The following CENPF variants were observed in gnomAD, a reference collection of about 807,000 sequenced individuals.
The protein encoded by CENPF is AH antigen.
In CENPF, 214 loss-of-function variants were observed where a neutral mutation model predicts 307.3. The ratio of observed to expected loss-of-function variants is 0.70; its 90% CI spans 0.62 to 0.78. CENPF has a LOEUF of 0.78. CENPF is among the 30% of genes least tolerant of loss of function. CENPF has a pLI of 0.00. For synonymous variants in CENPF, 1,259 were observed against 1,270.6 expected (o/e 0.99, Z 0.19); for missense variants, 3,401 against 3,483.9 (o/e 0.98, Z 0.60).
At chr1:214,634,925 A>G (rs1288106222) in intron 10 of CENPF, among the ~76,000 whole-genome samples, 4 of 152,244 alleles carry the variant, frequency 2.6e-5, no homozygotes, top group Non-Finnish European at 4.4e-5. Flanking sequence ...GCTGCTCACA[A>G]TGAGAAATTA....
At chr1:214,633,797 T>C (rs1316719036) in intron 10 of CENPF, among the ~76,000 whole-genome samples, 1 of 152,198 alleles carries the variant, frequency 6.6e-6, no homozygotes, top group African/African-American at 2.4e-5. Flanking sequence ...CAAATGGAAG[T>C]GTTTGTTTCA....
In CENPF at chr1:214,639,122, C is replaced by T. The variant is rs371185169; in HGVS notation, c.1583-799C>T. Among the ~76,000 whole-genome samples the T allele has an allele frequency of 5.3e-5, 8 of 152,228 alleles. No individual in the cohort carries two copies. In the East Asian group the frequency reaches 7.7e-4, roughly 15 times the overall value. On this transcript the variant is annotated intron_variant, in intron 11 of 19. Coordinates refer to ENST00000366955, the MANE Select transcript of CENPF (RefSeq NM_016343.4). Reference sequence around the variant, plus strand: ...TAATACATGTTACCTTTATCATCTACTGTGGAGGTTCTCAACTTTCAATCT... The same window carrying T: ...TAATACATGTTACCTTTATCATCTATTGTGGAGGTTCTCAACTTTCAATCT...
chr1:214,619,046 A>G, intron 4 of CENPF, 83 bp from the exon 5 acceptor site: 1 of 718,926 alleles, frequency 1.4e-6, no homozygotes, highest in Non-Finnish European at 2.4e-6. Flanking sequence ...TCATTTCTAG[A>G]CTATCAAAAT....
At position 214,645,890 on chromosome 1, in the gene CENPF, T is replaced by C; in HGVS notation, c.6320T>C (p.Leu2107Pro). 1 of 1,614,092 alleles carries C rather than the reference T, an allele frequency of 6.2e-7. No homozygotes were observed. The change falls in exon 13 of 20, where the codon CTG (leucine) becomes CCG (proline). Residue 2107 changes from leucine to proline, a missense_variant. Leu to Pro is a moderately conservative substitution (Grantham distance 98). Coordinates refer to ENST00000366955, the MANE Select transcript of CENPF (RefSeq NM_016343.4). ...GAGAAAGGTGAGTTCGCATTGAGGC[T>C]GAGCTCAACACAGGAGGAAGTGCAT... ...LVEKGEFALR[L>P]SSTQEEVHQL... is the part of the protein sequence containing the mutation.
intron 16 of CENPF, chr1:214,654,021 T>C (rs1658560315): frequency 6.6e-6 from 1 of 152,322 alleles, no homozygotes; most frequent in Admixed American, 6.5e-5. Context: ...AGCTCTAACA[T>C]TTACTTGCAA....
chr1:214,653,586 T>G (rs1658549867), intron 16 of CENPF: 2 of 154,516 alleles, frequency 1.3e-5, no homozygotes, highest in Admixed American at 1.3e-4. Flanking sequence ...ACAGATATTT[T>G]TCATAAGATA....
Position 214,664,382 on chromosome 1 carries a change from G to C in CENPF, c.*588G>C, listed in dbSNP as rs1658865563. 6.6e-6 allele frequency: 1 copy of C among 152,432 alleles called. No individual in the cohort carries two copies. The highest frequency in any genetic ancestry group is 2.4e-5 in the African/African-American group (1 of 41,458). The allele number at this position is 152,432 out of a possible 1,614,324, so 9.4% of individuals were successfully genotyped here. ...ATGAAACCTGTACATATGTGTGTGTGGGTATGTGTTTATTTCCAGTGAGGG... is the reference window on the plus strand; with the variant it reads ...ATGAAACCTGTACATATGTGTGTGTCGGTATGTGTTTATTTCCAGTGAGGG... On this transcript the variant is annotated 3_prime_UTR_variant, in exon 20 of 20. Coordinates refer to ENST00000366955, the MANE Select transcript of CENPF (RefSeq NM_016343.4).
At chr1:214,619,107 G>C in intron 4 of CENPF, 22 bp from the exon 5 acceptor site, 1 of 1,175,604 alleles carries the variant, frequency 8.5e-7, no homozygotes, top group Non-Finnish European at 1.2e-6. Context: ...AAAGAAAACT[G>C]TATTTGATTG....
At chr1:214,606,206 C>T in intron 1 of CENPF, 1 of 925,260 alleles carries the variant, frequency 1.1e-6, no homozygotes, top group Non-Finnish European at 1.6e-6. Flanking sequence ...GTCAGTGGGT[C>T]AGGCCCAGGC....
chr1:214,605,560 T>C (rs1656999378), intron 1 of CENPF: 2 of 738,366 alleles, frequency 2.7e-6, no homozygotes, highest in Admixed American at 5.3e-5. Flanking sequence ...AGCCCCTGGG[T>C]TGGAGCGGGG....
chr1:214,656,712 T>C (rs1344929612), intron 17 of CENPF, among the ~76,000 whole-genome samples: 1 of 152,222 alleles, frequency 6.6e-6, no homozygotes. Context: ...TTATTTAAGC[T>C]GTCCCAATGA....
In CENPF at chr1:214,658,926, C is replaced by T; in HGVS notation, c.9039C>T (p.Pro3013=). 6.2e-7 allele frequency: 1 copy of T among 1,614,082 alleles called. No individual in the cohort carries two copies. The highest frequency in any genetic ancestry group is 8.5e-7 in the Non-Finnish European group (1 of 1,179,990). ...CAACCATGGCAACTCGGACCAGCCC[C>T]CGCCTGGCTGCACAGAAGTTAGCGC... ...RRTTMATRTS[P]RLAAQKLALS... The change falls in exon 19 of 20, where the codon CCC becomes CCT. Residue 3013 remains proline (P), a synonymous_variant. Coordinates refer to ENST00000366955, the MANE Select transcript of CENPF (RefSeq NM_016343.4).
chr1:214,630,155 T>C (rs1657765787), intron 8 of CENPF, among the ~76,000 whole-genome samples: 1 of 152,242 alleles, frequency 6.6e-6, no homozygotes, highest in Non-Finnish European at 1.5e-5. Context: ...CAGTTTTTTG[T>C]GTTTTAAACA....
chr1:214,631,929 A>T (rs549780329), intron 9 of CENPF, among the ~76,000 whole-genome samples: 1 of 152,332 alleles, frequency 6.6e-6, no homozygotes, highest in South Asian at 2.1e-4. Flanking sequence ...CTCGGTTTTT[A>T]AAATTGTTGC....
chr1:214,608,756 G>A, intron 1 of CENPF: 2 of 1,600,232 alleles, frequency 1.2e-6, no homozygotes, highest in South Asian at 1.1e-5. Context: ...TCCGGCGGCA[G>A]GAAGGCGAGC....
At chr1:214,660,438 A>G (rs931305628) in intron 19 of CENPF, among the ~76,000 whole-genome samples, 4 of 152,262 alleles carry the variant, frequency 2.6e-5, no homozygotes, top group Non-Finnish European at 4.4e-5. Flanking sequence ...TGGAGAATAT[A>G]TATTTAATAT....
Position 214,632,102 on chromosome 1 carries a change from A to G in CENPF, c.1324-378A>G, listed in dbSNP as rs559609029. 1.6e-4 allele frequency among the ~76,000 whole-genome samples: 24 copies of G among 152,278 alleles called. No homozygotes were observed. The South Asian group carries it at 3.9e-3, about 25-fold the overall frequency. On this transcript the variant is annotated intron_variant, in intron 9 of 19. Coordinates refer to ENST00000366955, the MANE Select transcript of CENPF (RefSeq NM_016343.4). ...AATCATAGAGCGCTGTATATGTTGTATTACAGATATACTGTCTTTTATTCT... is the reference window on the plus strand; with the variant it reads ...AATCATAGAGCGCTGTATATGTTGTGTTACAGATATACTGTCTTTTATTCT...
chr1:214,630,409 T>C, intron 8 of CENPF, 125 bp from the exon 9 acceptor site: 1 of 1,150,838 alleles, frequency 8.7e-7, no homozygotes, highest in Non-Finnish European at 1.2e-6. Flanking sequence ...AAGTGGACAG[T>C]TGGCTCAGCT....
intron 1 of CENPF, among the ~76,000 whole-genome samples, chr1:214,607,276 C>T (rs1571690094): frequency 6.6e-6 from 1 of 152,230 alleles, no homozygotes; most frequent in Non-Finnish European, 1.5e-5. Context: ...TCTGGCCTCC[C>T]CCTCACAGCT....
Sources: allele counts gnomAD v4.1 joint callset (sites outside exome capture counted in the v4.1 genomes callset), GRCh38; gene constraint gnomAD v4.1.1; transcripts MANE v1.5; gene names NCBI Gene and HGNC (gene_info 2026-07-23, HGNC 2026-07-21).